The following TAFA5 variants were observed in gnomAD, a reference collection of about 807,000 sequenced individuals.
The protein encoded by TAFA5 is chemokine-like protein TAFA-5.
TAFA5 carries 6 observed loss-of-function variants against 15.3 expected under a neutral mutation model. The observed-to-expected ratio is 0.39, with a 90% CI of 0.21 to 0.77. TAFA5 has a LOEUF of 0.77. Ranked by LOEUF, TAFA5 falls within the 30% of genes least tolerant of loss-of-function variation. The probability of loss-of-function intolerance (pLI) is 0.41; values close to 1 mark genes in which losing one functional copy is unlikely to be tolerated. For missense variants in TAFA5, 161 were observed against 193.1 expected (o/e 0.83, Z 0.98); for synonymous variants, 103 against 80.7 (o/e 1.28, Z -1.48).
intron 1 of TAFA5, among the ~76,000 whole-genome samples, chr22:48,556,526 G>T (rs1295724026): frequency 6.6e-6 from 1 of 152,240 alleles, no homozygotes; most frequent in Non-Finnish European, 1.5e-5. Context: ...GAAGCTTCTT[G>T]GCAGGCCCAT....
At chr22:48,514,203 C>T (rs1921323025) in intron 1 of TAFA5, among the ~76,000 whole-genome samples, 1 of 152,160 alleles carries the variant, frequency 6.6e-6, no homozygotes, top group Non-Finnish European at 1.5e-5. Flanking sequence ...GCATGCTTCT[C>T]AGAAATTCTA....
At chr22:48,498,986 C>G (rs987676098) in intron 1 of TAFA5, among the ~76,000 whole-genome samples, 1 of 152,214 alleles carries the variant, frequency 6.6e-6, no homozygotes, top group African/African-American at 2.4e-5. Context: ...GCCCAAGTCC[C>G]CGTCCCGTGC....
At chr22:48,569,747 C>T (rs372053784) in intron 1 of TAFA5, among the ~76,000 whole-genome samples, 14 of 152,340 alleles carry the variant, frequency 9.2e-5, no homozygotes, top group African/African-American at 2.4e-4. Context: ...GGTGGCCTCC[C>T]GCAGGCCTTG....
chr22:48,728,329 A>T (rs548946391), intron 3 of TAFA5, among the ~76,000 whole-genome samples: 1 of 152,364 alleles, frequency 6.6e-6, no homozygotes, highest in African/African-American at 2.4e-5. Context: ...AAGTTTTAAT[A>T]AAAGAAGAAG....
chr22:48,571,271 CTT>C lies in TAFA5; in HGVS notation c.113-75305_113-75304del, dbSNP rs869050468. ...AACATTTTTTTGTTGTTGTTGTTTG[CTT>C]TTTTTTTTTTTTTTTTTTTTGAGAC... On this transcript the variant is annotated intron_variant, in intron 1 of 3. Transcript: ENST00000402357. 6.7e-3 allele frequency among the ~76,000 whole-genome samples: 655 copies of C among 97,620 alleles called. 2 individuals are homozygous for C. The highest frequency in any genetic ancestry group is 0.024 in the African/African-American group (621 of 26,422). 64.0% of individuals were successfully genotyped at this position (97,620 alleles called of 152,430 possible).
intron 2 of TAFA5, among the ~76,000 whole-genome samples, chr22:48,696,344 T>C (rs1376335626): frequency 1.3e-5 from 2 of 152,158 alleles, no homozygotes; most frequent in Admixed American, 6.5e-5. Flanking sequence ...CACTCTTCCC[T>C]CTTTTCTCAC....
At chr22:48,694,910 G>A (rs1208754532) in intron 2 of TAFA5, among the ~76,000 whole-genome samples, 1 of 147,620 alleles carries the variant, frequency 6.8e-6, no homozygotes, top group Non-Finnish European at 1.5e-5. Context: ...GGACCACTGG[G>A]GAGGTCAGGC....
chr22:48,593,940 G>A (rs1601602352), intron 1 of TAFA5, among the ~76,000 whole-genome samples: 2 of 152,324 alleles, frequency 1.3e-5, no homozygotes, highest in South Asian at 2.1e-4. Context: ...TCAGTGTGTC[G>A]GCTCTCATTT....
At chr22:48,577,346 G>A (rs1317147417) in intron 1 of TAFA5, among the ~76,000 whole-genome samples, 2 of 152,194 alleles carry the variant, frequency 1.3e-5, no homozygotes, top group Non-Finnish European at 2.9e-5. Flanking sequence ...GAAACTTCCT[G>A]GTTTCAGGGC....
chr22:48,594,013 C>T (rs1924670656), intron 1 of TAFA5, among the ~76,000 whole-genome samples: 1 of 152,174 alleles, frequency 6.6e-6, no homozygotes, highest in South Asian at 2.1e-4. Context: ...TTATGGTTTC[C>T]GGGGAGACCC....
At chr22:48,702,150 C>T (rs1313429326) in intron 2 of TAFA5, among the ~76,000 whole-genome samples, 3 of 151,708 alleles carry the variant, frequency 2.0e-5, no homozygotes, top group South Asian at 2.1e-4. Flanking sequence ...TGCGTGTGTG[C>T]GTTTGTGTGT....
chr22:48,695,302 C>T (rs549258334), intron 2 of TAFA5, among the ~76,000 whole-genome samples: 42 of 152,226 alleles, frequency 2.8e-4, no homozygotes, highest in African/African-American at 9.9e-4. Flanking sequence ...TGAGACACTG[C>T]CAGGGAGAGC....
At chr22:48,546,735 A>G (rs1282922504) in intron 1 of TAFA5, 2 of 390,524 alleles carry the variant, frequency 5.1e-6, no homozygotes, top group Admixed American at 2.9e-5. Context: ...CCACACTCAA[A>G]TGCCCCTCTG....
chr22:48,702,557 C>T (rs551360869), intron 2 of TAFA5, among the ~76,000 whole-genome samples: 5 of 147,626 alleles, frequency 3.4e-5, no homozygotes, highest in Non-Finnish European at 7.4e-5. Context: ...CTTTACGCCC[C>T]GTGCCCTTTA....
chr22:48,677,985 C>G (rs1214547109), intron 2 of TAFA5, among the ~76,000 whole-genome samples: 1 of 152,052 alleles, frequency 6.6e-6, no homozygotes, highest in Non-Finnish European at 1.5e-5. Context: ...GCTCACTCCC[C>G]AGAGCTCCCC....
intron 1 of TAFA5, among the ~76,000 whole-genome samples, chr22:48,586,379 G>C (rs1924361591): frequency 6.6e-6 from 1 of 152,230 alleles, no homozygotes; most frequent in Non-Finnish European, 1.5e-5. Flanking sequence ...TTGGGACGAG[G>C]AAGCCCCACC....
chr22:48,513,084 G>A (rs1401530754), intron 1 of TAFA5, among the ~76,000 whole-genome samples: 2 of 152,186 alleles, frequency 1.3e-5, no homozygotes, highest in Admixed American at 6.5e-5. Context: ...ACTCTGGGGT[G>A]CGTTTCTTCC....
At chr22:48,711,943 T>A (rs1163537901) in intron 3 of TAFA5, among the ~76,000 whole-genome samples, 1 of 152,216 alleles carries the variant, frequency 6.6e-6, no homozygotes, top group East Asian at 1.9e-4. Context: ...GGCCTAAGGG[T>A]GCTGCTGCCC....
At chr22:48,509,327 G>GT in intron 1 of TAFA5, among the ~76,000 whole-genome samples, 1 of 152,288 alleles carries the variant, frequency 6.6e-6, no homozygotes, top group East Asian at 1.9e-4. Flanking sequence ...TAAATACCCA[G>GT]TAGTGGGATT....
Sources: gnomAD v4.1 joint callset for allele counts (sites outside exome capture counted in the v4.1 genomes callset) on GRCh38, gnomAD v4.1.1 for gene constraint, MANE v1.5 for transcripts, NCBI Gene and HGNC (gene_info 2026-07-23, HGNC 2026-07-21) for gene names.